SLC4A3: variants seen among roughly 807,000 people sequenced by gnomAD.
The protein encoded by SLC4A3 is anion exchange protein 3.
SLC4A3 carries 47 observed loss-of-function variants against 114.2 expected under a neutral mutation model. The ratio of observed to expected loss-of-function variants is 0.41; its 90% CI spans 0.33 to 0.52. The LOEUF is 0.52. SLC4A3 is among the 20% of genes least tolerant of loss of function. The pLI is 0.21. For missense variants in SLC4A3, 1,312 were observed against 1,668.3 expected, an observed-to-expected ratio of 0.79 and a Z score of 3.72; for synonymous variants, 693 against 710.3, an observed-to-expected ratio of 0.98 and a Z score of 0.39.
chr2:219,639,137 C>T lies in SLC4A3; in HGVS notation c.3023+268C>T, dbSNP rs149881962. On this transcript the variant is annotated intron_variant, in intron 19 of 22. Transcript: ENST00000358055. The surrounding 1 kb of genome is among the most constrained non-coding windows in gnomAD (Gnocchi z 5.9). ...ACATGACATCTATCTGTTGCCACCA[C>T]TCTTTGCAGGGTGGCACTTGACAGT... 6.6e-6 allele frequency among the ~76,000 whole-genome samples: 1 copy of T among 152,268 alleles called. No individual in the cohort carries two copies. Among genetic ancestry groups the T allele is most frequent in the East Asian group, 1.9e-4 (1 of 5,178 alleles).
rs762056875 is a variant in SLC4A3, at chr2:219,633,018, G to T, written c.1277+9G>T. ...CTGCTACTGAAGCACAGGTGCCGGG[G>T]TGGGTCCCTGGGAGGGGCCTGTCCA... On this transcript the variant is annotated intron_variant, in intron 9 of 22. Coordinates refer to ENST00000358055, the MANE Select transcript of SLC4A3 (RefSeq NM_005070.4). The T allele has an allele frequency of 6.2e-7, 1 of 1,613,766 alleles. No individual in the cohort carries two copies. The highest frequency in any genetic ancestry group is 8.5e-7 in the Non-Finnish European group (1 of 1,179,866).
rs938482153 is a variant in SLC4A3, at chr2:219,629,044, G to A, written c.218-100G>A. On this transcript the variant is annotated intron_variant, in intron 3 of 22. Transcript: ENST00000358055. Reference sequence around the variant, plus strand: ...ATGGCCCTGGAGGAAGGACTAGGGTGCCCTTGTTTGCGGCCTTGAGCTGGA... The same window carrying A: ...ATGGCCCTGGAGGAAGGACTAGGGTACCCTTGTTTGCGGCCTTGAGCTGGA... 2.7e-5 allele frequency: 37 copies of A among 1,379,668 alleles called. No individual in the cohort carries two copies. The African/African-American group carries it at 4.1e-4, about 15-fold the overall frequency. 85.5% of individuals were successfully genotyped at this position (1,379,668 alleles called of 1,614,324 possible). A position where few individuals can be genotyped will look rare whatever the true frequency, so the allele number is the denominator to read the frequency against.
Position 219,639,794 on chromosome 2 carries a change from T to G in SLC4A3, c.3277+59T>G. The G allele has an allele frequency of 6.3e-7, 1 of 1,579,330 alleles. No homozygotes were observed. On this transcript the variant is annotated intron_variant, in intron 20 of 22. Coordinates refer to ENST00000358055, the MANE Select transcript of SLC4A3 (RefSeq NM_005070.4). This position sits in a 1 kb window ranked among gnomAD's most constrained non-coding sequence, Gnocchi z 5.9. ...CCTTGGGCCCCACGGTCTTACATCT[T>G]CACTATCCCAGGCTTGACCCTGAAT... is the stretch of plus-strand genomic sequence containing the variant.
chr2:219,638,218 C>T lies in SLC4A3; in HGVS notation c.2821C>T (p.Leu941=). Residue 941 remains leucine (L), a synonymous_variant, in exon 18 of 23, where the codon CTG becomes TTG. Transcript: ENST00000358055. This position sits in a 1 kb window ranked among gnomAD's most constrained non-coding sequence, Gnocchi z 7.5. ...CCCCATCTCCATCCTGGTGATGGTC[C>T]TGGTGGATTACTCCATCACAGACAC... ...GIPISILVMV[L]VDYSITDTYT... 6.2e-7 allele frequency: 1 copy of T among 1,612,794 alleles called. No homozygotes were observed. The highest frequency in any genetic ancestry group is 8.5e-7 in the Non-Finnish European group (1 of 1,179,390).
chr2:219,634,505 T>G lies in SLC4A3; in HGVS notation c.1647T>G (p.Pro549=), dbSNP rs755385554. 1.9e-6 allele frequency: 3 copies of G among 1,614,218 alleles called. No homozygotes were observed. In the South Asian group the frequency reaches 3.3e-5, roughly 18 times the overall value. The change falls in exon 12 of 23, where the codon CCT becomes CCG. Residue 549 remains proline (P), a synonymous_variant. Transcript: ENST00000358055. ...AVLLESVLEV[P]VPVRFLFVML... ...TCCTGGAGTCTGTGCTTGAGGTCCC[T>G]GTCCCGGTCCGCTTCCTCTTCGTGA... is the stretch of plus-strand genomic sequence containing the variant.
rs140660055 is a variant in SLC4A3, at chr2:219,640,923, C to T, written c.3582C>T (p.Cys1194=). The change falls in exon 22 of 23, where the codon TGC becomes TGT. Residue 1194 remains cysteine (C), a synonymous_variant. Transcript: ENST00000358055. ...TGCTCACGGTGCCTCTGAGGCATTG[C>T]CTTCTGCCCCGGCTCTTCCAGGACA... ...LLLLTVPLRH[C]LLPRLFQDRE... 2.1e-4 allele frequency: 343 copies of T among 1,609,120 alleles called. No individual in the cohort carries two copies. The highest frequency in any genetic ancestry group is 2.8e-4 in the Non-Finnish European group (331 of 1,180,018).
Position 219,638,685 on chromosome 2 carries a change from T to C in SLC4A3, c.2857-18T>C, listed in dbSNP as rs1429168781. On this transcript the variant is annotated intron_variant, in intron 18 of 22. Coordinates refer to ENST00000358055, the MANE Select transcript of SLC4A3 (RefSeq NM_005070.4). This position sits in a 1 kb window ranked among gnomAD's most constrained non-coding sequence, Gnocchi z 7.5. ...ATGGGGAGGCTGTGTCCCTGAACCC[T>C]GTTTTCCTGCCATGCAGAAGCTGAC... 1 of 1,612,638 alleles carries C rather than the reference T, an allele frequency of 6.2e-7. No homozygotes were observed. Among genetic ancestry groups the C allele is most frequent in the Non-Finnish European group, 8.5e-7 (1 of 1,179,452 alleles).
Position 219,629,390 on chromosome 2 carries a change from C to A in SLC4A3, c.464C>A (p.Pro155His), listed in dbSNP as rs528947239. ...EGESEAEPVE[P>H]PHSGTPQKAK... ...GAATCTGAGGCAGAACCTGTGGAGC[C>A]CCCCCACTCAGGGACCCCACAGAAG... Residue 155 changes from proline (P) to histidine (H), a missense_variant, in exon 4 of 23, where the codon CCC becomes CAC. By Grantham distance (77) the Pro-to-His change is moderately conservative. Transcript: ENST00000358055. 7.5e-6 allele frequency: 12 copies of A among 1,589,804 alleles called. No individual in the cohort carries two copies. The highest frequency in any genetic ancestry group is 2.7e-5 in the African/African-American group (2 of 74,240).
Position 219,640,782 on chromosome 2 carries a change from C to T in SLC4A3, c.3448-7C>T, listed in dbSNP as rs1223363522. The T allele has an allele frequency of 1.2e-6, 2 of 1,610,000 alleles. No homozygotes were observed. Among genetic ancestry groups the T allele is most frequent in the Non-Finnish European group, 8.5e-7 (1 of 1,178,674 alleles). The stretch of plus-strand genomic sequence containing the variant: ...TGTGCACTGGGGCCCACTGGCTGCT[C>T]CCCTAGGTGAAGACGTGGCGGATGC... On this transcript the variant is annotated splice_region_variant and splice_polypyrimidine_tract_variant and intron_variant, in intron 21 of 22. Transcript: ENST00000358055.
Position 219,636,888 on chromosome 2 carries a change from G to A in SLC4A3, c.2535+14G>A, listed in dbSNP as rs1348444877. 35 of 1,607,468 alleles carry A rather than the reference G, an allele frequency of 2.2e-5. No individual in the cohort carries two copies. The highest frequency in any genetic ancestry group is 3.0e-5 in the Non-Finnish European group (35 of 1,175,032). ...AAGCTCTACAAGGTGGAGGTCCAGC[G>A]AGGTCTTGGGGGTGGCAGAGATGGA... On this transcript the variant is annotated intron_variant, in intron 16 of 22. Coordinates refer to ENST00000358055, the MANE Select transcript of SLC4A3 (RefSeq NM_005070.4). This position sits in a 1 kb window ranked among gnomAD's most constrained non-coding sequence, Gnocchi z 5.5.
chr2:219,638,639 C>A lies in SLC4A3; in HGVS notation c.2857-64C>A, dbSNP rs1699211833. 4 of 1,557,412 alleles carry A rather than the reference C, an allele frequency of 2.6e-6. No individual in the cohort carries two copies. Among genetic ancestry groups the A allele is most frequent in the Non-Finnish European group, 3.5e-6 (4 of 1,142,638 alleles). ...TGGACTGGGGACGCAGCTTAGTGGG[C>A]TGCTTGGTGGGCTTTCTAGCATGGG... is the stretch of plus-strand genomic sequence containing the variant. On this transcript the variant is annotated intron_variant, in intron 18 of 22. Coordinates refer to ENST00000358055, the MANE Select transcript of SLC4A3 (RefSeq NM_005070.4). This position sits in a 1 kb window ranked among gnomAD's most constrained non-coding sequence, Gnocchi z 7.5.
chr2:219,640,311 C>T, intron 20 of SLC4A3, 119 bp from the exon 21 acceptor site: 1 of 1,132,808 alleles, frequency 8.8e-7, no homozygotes, highest in Non-Finnish European at 1.3e-6. Context: ...TCCCCCCAGG[C>T]CTCTCCATCC....
chr2:219,630,109 G>T lies in SLC4A3; in HGVS notation c.612-44G>T. ...GCTGAGGGACGGTGATGGAACCACC[G>T]ACCTGGCCCTGTCAAGTCCAAGGCT... On this transcript the variant is annotated intron_variant, in intron 5 of 22. Transcript: ENST00000358055. The surrounding 1 kb of genome is among the most constrained non-coding windows in gnomAD (Gnocchi z 6.9). 1 of 1,606,684 alleles carries T rather than the reference G, an allele frequency of 6.2e-7. No homozygotes were observed. Among genetic ancestry groups the T allele is most frequent in the Non-Finnish European group, 8.5e-7 (1 of 1,175,876 alleles).
At position 219,628,287 on chromosome 2, in the gene SLC4A3, G is replaced by A. The variant is rs999164136; in HGVS notation, c.52-118G>A. ...TGCTGACACAGGCCTGGGAGCAAGG[G>A]GAGGGGGCCCGATGGTGTGAGAGCC... On this transcript the variant is annotated intron_variant, in intron 2 of 22. Coordinates refer to ENST00000358055, the MANE Select transcript of SLC4A3 (RefSeq NM_005070.4). This position sits in a 1 kb window ranked among gnomAD's most constrained non-coding sequence, Gnocchi z 4.8. 11 of 1,132,674 alleles carry A rather than the reference G, an allele frequency of 9.7e-6. No homozygotes were observed. Among genetic ancestry groups the A allele is most frequent in the Non-Finnish European group, 1.2e-5 (10 of 810,508 alleles). The allele number at this position is 1,132,674 out of a possible 1,614,324, so 70.2% of individuals were successfully genotyped here. A position where few individuals can be genotyped will look rare whatever the true frequency, so the allele number is the denominator to read the frequency against.
rs1405915932 is a variant in SLC4A3, at chr2:219,633,268, T to C, written c.1278-6T>C. 2 of 1,551,162 alleles carry C rather than the reference T, an allele frequency of 1.3e-6. No individual in the cohort carries two copies. The highest frequency in any genetic ancestry group is 1.7e-6 in the Non-Finnish European group (2 of 1,143,988). On this transcript the variant is annotated splice_polypyrimidine_tract_variant and splice_region_variant and intron_variant, in intron 9 of 22. Coordinates refer to ENST00000358055, the MANE Select transcript of SLC4A3 (RefSeq NM_005070.4). Reference sequence around the variant, plus strand: ...CTCCTCACCTGCCTCACCCTGCCCCTTCCAGCCATCCCAACGATGACAAGG... The same window carrying C: ...CTCCTCACCTGCCTCACCCTGCCCCCTCCAGCCATCCCAACGATGACAAGG...
Position 219,633,115 on chromosome 2 carries a change from C to G in SLC4A3, c.1277+106C>G, listed in dbSNP as rs1197754805. The G allele has an allele frequency of 2.8e-6, 4 of 1,436,304 alleles. No individual in the cohort carries two copies. In the East Asian group the frequency reaches 6.9e-5, roughly 25 times the overall value. The allele number at this position is 1,436,304 out of a possible 1,614,324, so 89.0% of individuals were successfully genotyped here. On this transcript the variant is annotated intron_variant, in intron 9 of 22. Transcript: ENST00000358055. ...GCCTCTGCTTGAATGCCACAAGTGA[C>G]AGAGAGCTCATTTCTATCTTTTGAC...
chr2:219,632,479 C>G (rs764390712), intron 8 of SLC4A3, 37 bp downstream of exon 8: 2 of 1,550,868 alleles, frequency 1.3e-6, no homozygotes, highest in South Asian at 1.3e-5. Context: ...GCTGCAAGCC[C>G]TCTTCAGTCT....
In SLC4A3 at chr2:219,639,782, G is replaced by A. The variant is rs1166100624; in HGVS notation, c.3277+47G>A. On this transcript the variant is annotated intron_variant, in intron 20 of 22. Transcript: ENST00000358055. The surrounding 1 kb of genome is among the most constrained non-coding windows in gnomAD (Gnocchi z 5.9). ...GCACACCCCCTTCCTTGGGCCCCACGGTCTTACATCTTCACTATCCCAGGC... is the reference window on the plus strand; with the variant it reads ...GCACACCCCCTTCCTTGGGCCCCACAGTCTTACATCTTCACTATCCCAGGC... The A allele has an allele frequency of 6.3e-7, 1 of 1,587,620 alleles. No homozygotes were observed. The highest frequency in any genetic ancestry group is 8.5e-7 in the Non-Finnish European group (1 of 1,172,140).
Position 219,640,303 on chromosome 2 carries a change from C to T in SLC4A3, c.3278-127C>T, listed in dbSNP as rs185975824. The T allele has an allele frequency of 1.7e-4, 174 of 1,007,570 alleles. 1 individual carries two copies. In the African/African-American group the frequency reaches 2.7e-3, roughly 16 times the overall value. The allele number at this position is 1,007,570 out of a possible 1,614,324, so 62.4% of individuals were successfully genotyped here. ...TGGTCCAGTGGGTCCATGTCGCCTCCCCCCAGGCCTCTCCATCCTCACGGG... is the reference window on the plus strand; with the variant it reads ...TGGTCCAGTGGGTCCATGTCGCCTCTCCCCAGGCCTCTCCATCCTCACGGG... On this transcript the variant is annotated intron_variant, in intron 20 of 22. Transcript: ENST00000358055.
Sources: allele counts gnomAD v4.1 joint callset (sites outside exome capture counted in the v4.1 genomes callset), GRCh38; gene constraint gnomAD v4.1.1; non-coding constraint Gnocchi (gnomAD v3.1); transcripts MANE v1.5; gene names NCBI Gene and HGNC (gene_info 2026-07-23, HGNC 2026-07-21).